ATF2: variants seen among roughly 807,000 people sequenced by gnomAD.
ATF2 encodes cyclic AMP-dependent transcription factor ATF-2.
Under a neutral mutation model 60.6 loss-of-function variants are expected in ATF2, and 24 were observed. The observed-to-expected ratio is 0.40, with a 90% confidence interval of 0.29 to 0.56. The LOEUF is 0.56. ATF2 is among the 20% of genes least tolerant of loss of function. The pLI, the probability that ATF2 is intolerant of heterozygous loss-of-function variation, is 0.54. For synonymous variants in ATF2, 206 were observed against 215.4 expected (o/e 0.96, Z 0.38); for missense variants, 433 against 607.7 (o/e 0.71, Z 3.02).
chr2:175,090,278 A>C (rs990598419), intron 12 of ATF2, among the ~76,000 whole-genome samples: 1 of 152,044 alleles, frequency 6.6e-6, no homozygotes, highest in African/African-American at 2.4e-5. Flanking sequence ...TTTGTTCTAT[A>C]TTCTTTCACT....
chr2:175,076,968 C>T (rs1693368642), intron 13 of ATF2, among the ~76,000 whole-genome samples: 1 of 120,792 alleles, frequency 8.3e-6, no homozygotes, highest in South Asian at 3.2e-4. Context: ...CCACAACAGG[C>T]CCCGGTGTGT....
chr2:175,081,346 C>G (rs528318325), intron 12 of ATF2, among the ~76,000 whole-genome samples: 1 of 152,080 alleles, frequency 6.6e-6, no homozygotes, highest in Non-Finnish European at 1.5e-5. Flanking sequence ...TGCCTTTGAC[C>G]CAGGCAATTT....
chr2:175,099,404 CTA>C (rs1206554703), intron 10 of ATF2, among the ~76,000 whole-genome samples: 1 of 152,024 alleles, frequency 6.6e-6, no homozygotes, highest in African/African-American at 2.4e-5. Flanking sequence ...TGCCTGGCCT[CTA>C]TTGAATTTTA....
intron 2 of ATF2, among the ~76,000 whole-genome samples, chr2:175,137,347 C>T (rs983130097): frequency 1.6e-4 from 24 of 151,920 alleles, no homozygotes; most frequent in South Asian, 2.1e-4. Flanking sequence ...ATGCTGTCTG[C>T]GAGGAGAGGA....
intron 12 of ATF2, among the ~76,000 whole-genome samples, chr2:175,091,276 T>C (rs1694530148): frequency 6.6e-6 from 1 of 152,172 alleles, no homozygotes; most frequent in African/African-American, 2.4e-5. Context: ...CCACATCTAT[T>C]CTACAGGTAA....
chr2:175,121,873 T>C (rs967445663), intron 4 of ATF2, among the ~76,000 whole-genome samples: 1 of 151,868 alleles, frequency 6.6e-6, no homozygotes, highest in Non-Finnish European at 1.5e-5. Flanking sequence ...TGTCTTATCA[T>C]AGTAGAAACT....
rs1693050942 is a variant in ATF2, at chr2:175,073,127, A to G, written c.*1482T>C. Reference sequence around the variant, plus strand: ...TTGCTACTGGGTAGGACTCATAACTATTTTACAAAGTTTTCTTACGCACAT... The same window carrying G: ...TTGCTACTGGGTAGGACTCATAACTGTTTTACAAAGTTTTCTTACGCACAT... On this transcript the variant is annotated 3_prime_UTR_variant, in exon 14 of 14. Transcript: ENST00000264110. 1 of 152,102 alleles carries G rather than the reference A, an allele frequency of 6.6e-6. No individual in the cohort carries two copies. Among genetic ancestry groups the G allele is most frequent in the Non-Finnish European group, 1.5e-5 (1 of 68,000 alleles). 9.4% of individuals were successfully genotyped at this position (152,102 alleles called of 1,614,324 possible). A position where few individuals can be genotyped will look rare whatever the true frequency, so the allele number is the denominator to read the frequency against.
chr2:175,118,891 G>C (rs1156378032), intron 5 of ATF2, among the ~76,000 whole-genome samples: 1 of 151,442 alleles, frequency 6.6e-6, no homozygotes, highest in East Asian at 1.9e-4. Context: ...AGTTAAAACA[G>C]CCCTAAAACA....
chr2:175,116,599 T>C (rs1696587979), intron 7 of ATF2, among the ~76,000 whole-genome samples: 1 of 151,882 alleles, frequency 6.6e-6, no homozygotes. Context: ...GTTATGGGCC[T>C]GGATGAGATC....
rs1696727205 is a variant in ATF2 at position 175,118,348 on chromosome 2, CTTG to C, written c.218_220del (p.Thr73del). The C allele has an allele frequency of 6.2e-7, 1 of 1,610,148 alleles. No homozygotes were observed. The highest frequency in any genetic ancestry group is 8.5e-7 in the Non-Finnish European group (1 of 1,178,132). ...CACTTCTTCACAGTTTTTCAAGAAT[CTTG>C]TTGGTGTTGGGGTCTGATCTGAAAT... On this transcript the variant is annotated inframe_deletion, in exon 6 of 14. Transcript: ENST00000264110.
chr2:175,096,545 T>C (rs746636996), intron 11 of ATF2, among the ~76,000 whole-genome samples: 1 of 152,132 alleles, frequency 6.6e-6, no homozygotes, highest in Non-Finnish European at 1.5e-5. Context: ...AGTGAGCAAA[T>C]ATTAAAAGCA....
intron 1 of ATF2, among the ~76,000 whole-genome samples, chr2:175,159,835 C>T (rs1026418082): frequency 4.6e-5 from 7 of 152,178 alleles, no homozygotes; most frequent in Admixed American, 2.6e-4. Context: ...AACAGTAGCA[C>T]AAGTTGTGCT....
intron 2 of ATF2, among the ~76,000 whole-genome samples, chr2:175,144,290 G>C (rs1235054089): frequency 2.0e-5 from 3 of 152,032 alleles, no homozygotes; most frequent in Admixed American, 6.5e-5. Flanking sequence ...GGTCAAAAAT[G>C]GGACAAAAAT....
intron 4 of ATF2, chr2:175,126,670 C>T (rs1697359455): frequency 6.6e-6 from 1 of 152,080 alleles, no homozygotes; most frequent in Admixed American, 6.5e-5. Context: ...TTTAAAATGG[C>T]ATGTGTATTA....
intron 1 of ATF2, among the ~76,000 whole-genome samples, chr2:175,165,464 C>T (rs774038468): frequency 2.6e-5 from 4 of 152,092 alleles, no homozygotes; most frequent in Non-Finnish European, 4.4e-5. Flanking sequence ...CAGACAAGAA[C>T]GTATGTATCA....
chr2:175,147,695 A>T (rs191933420), intron 2 of ATF2, among the ~76,000 whole-genome samples: 4 of 152,356 alleles, frequency 2.6e-5, no homozygotes, highest in Admixed American at 6.5e-5. Flanking sequence ...TTATGAAAAT[A>T]CATAAACATT....
At chr2:175,079,066 G>C (rs1693573592) in intron 13 of ATF2, among the ~76,000 whole-genome samples, 1 of 152,028 alleles carries the variant, frequency 6.6e-6, no homozygotes, top group Non-Finnish European at 1.5e-5. Flanking sequence ...TATTAATCTA[G>C]ATTTTCAGTC....
intron 11 of ATF2, among the ~76,000 whole-genome samples, chr2:175,094,744 C>T (rs1445907238): frequency 1.3e-5 from 2 of 152,018 alleles, no homozygotes; most frequent in Non-Finnish European, 2.9e-5. Flanking sequence ...AAGTATTTCA[C>T]GCCTGGGCAA....
chr2:175,160,413 G>A (rs1306348181), intron 1 of ATF2, among the ~76,000 whole-genome samples: 1 of 152,058 alleles, frequency 6.6e-6, no homozygotes, highest in Non-Finnish European at 1.5e-5. Context: ...TATGGATTAT[G>A]TACTATGCCC....
Sources: gnomAD v4.1 joint callset for allele counts (sites outside exome capture counted in the v4.1 genomes callset) on GRCh38, gnomAD v4.1.1 for gene constraint, MANE v1.5 for transcripts, NCBI Gene and HGNC (gene_info 2026-07-23, HGNC 2026-07-21) for gene names.